Variants in IQGAP1 observed in about 807,000 individuals in gnomAD.
The protein encoded by IQGAP1 is ras GTPase-activating-like protein IQGAP1.
In IQGAP1, 66 loss-of-function variants were observed where a neutral mutation model predicts 215.6. That is an observed-to-expected ratio of 0.31 (90% CI 0.25 to 0.38). The LOEUF (loss-of-function observed/expected upper bound fraction) is 0.38, where lower values mean the gene tolerates loss of function less well. IQGAP1 is among the 10% of genes least tolerant of loss of function. The probability of loss-of-function intolerance (pLI) is 1.00; values close to 1 mark genes in which losing one functional copy is unlikely to be tolerated. For synonymous variants in IQGAP1, 772 were observed against 728.7 expected (o/e 1.06, Z -0.96); for missense variants, 1,712 against 1,997.1 (o/e 0.86, Z 2.72).
intron 36 of IQGAP1, chr15:90,496,617 G>A (rs918019471): frequency 3.3e-5 from 5 of 152,094 alleles, no homozygotes; most frequent in Non-Finnish European, 5.9e-5. Context: ...CACTGTGCCC[G>A]GCTGCATAAT....
chr15:90,422,811 G>T (rs969217710), intron 2 of IQGAP1, among the ~76,000 whole-genome samples: 1 of 151,312 alleles, frequency 6.6e-6, no homozygotes, highest in South Asian at 2.1e-4. Context: ...TCCTCCTGCT[G>T]CAGCCTCTCA....
At chr15:90,472,604 G>A (rs932290253) in intron 18 of IQGAP1, among the ~76,000 whole-genome samples, 1 of 152,036 alleles carries the variant, frequency 6.6e-6, no homozygotes, top group African/African-American at 2.4e-5. Flanking sequence ...GACATATGAA[G>A]TAAAAGAAGA....
At position 90,483,368 on chromosome 15, in the gene IQGAP1, G is replaced by C. The variant is rs754781708; in HGVS notation, c.3563G>C (p.Gly1188Ala). 6.2e-7 allele frequency: 1 copy of C among 1,611,620 alleles called. No homozygotes were observed. Among genetic ancestry groups the C allele is most frequent in the African/African-American group, 1.3e-5 (1 of 74,760 alleles). Residue 1188 changes from glycine to alanine, a missense_variant, in exon 29 of 38, where the codon GGT becomes GCT. Transcript: ENST00000268182. ...AGEDELLKII[G>A]NLLYYRYMNP... ...CTGTTTCGTCTGTTCCAGATTATTG[G>C]TAACTTGCTTTATTATCGATACATG...
chr15:90,450,085 C>A (rs1399732366), intron 11 of IQGAP1, among the ~76,000 whole-genome samples: 1 of 152,052 alleles, frequency 6.6e-6, no homozygotes, highest in Non-Finnish European at 1.5e-5. Flanking sequence ...AACACTAGAC[C>A]TATTCCTTGT....
chr15:90,394,781 A>G (rs2058185041), intron 2 of IQGAP1, among the ~76,000 whole-genome samples: 1 of 138,476 alleles, frequency 7.2e-6, no homozygotes, highest in Admixed American at 7.5e-5. Flanking sequence ...TCCCCTCTTC[A>G]GTTCTATTTA....
Position 90,388,268 on chromosome 15 carries a change from A to T in IQGAP1, c.-74A>T, listed in dbSNP as rs1016883721. On this transcript the variant is annotated 5_prime_UTR_variant, in exon 1 of 38. Coordinates refer to ENST00000268182, the MANE Select transcript of IQGAP1 (RefSeq NM_003870.4). Reference sequence around the variant, plus strand: ...ACCCCGGCAAGCCCGCGCACTTGGCAGGAGCTGTAGCTACCGCCGTCCGCG... The same window carrying T: ...ACCCCGGCAAGCCCGCGCACTTGGCTGGAGCTGTAGCTACCGCCGTCCGCG... 6.5e-6 allele frequency: 10 copies of T among 1,529,590 alleles called. No homozygotes were observed. Among genetic ancestry groups the T allele is most frequent in the Non-Finnish European group, 8.9e-7 (1 of 1,122,726 alleles). The allele number at this position is 1,529,590 out of a possible 1,614,324, so 94.8% of individuals were successfully genotyped here.
At position 90,461,349 on chromosome 15, in the gene IQGAP1, TTTTG is replaced by T. The variant is rs369163316; in HGVS notation, c.1777-4640_1777-4637del. Among the ~76,000 whole-genome samples the T allele has an allele frequency of 7.3e-3, 1,114 of 152,168 alleles. 6 individuals carry two copies. The highest frequency in any genetic ancestry group is 0.026 in the African/African-American group (1,063 of 41,522). ...GATTGTTTGCCAGTGTACCAATGTTTTTTGTTTGTTTGTTTTTCATGGTGGAGAG... is the reference window on the plus strand; with the variant it reads ...GATTGTTTGCCAGTGTACCAATGTTTTTTGTTTGTTTTTCATGGTGGAGAG... On this transcript the variant is annotated intron_variant, in intron 15 of 37. Coordinates refer to ENST00000268182, the MANE Select transcript of IQGAP1 (RefSeq NM_003870.4).
At chr15:90,440,675 A>G (rs963047321) in intron 7 of IQGAP1, 60 bp downstream of exon 7, 26 of 1,043,720 alleles carry the variant, frequency 2.5e-5, no homozygotes, top group African/African-American at 8.0e-5. Context: ...TCCAATAATT[A>G]ATTCTATAGT....
rs77554323 is a variant in IQGAP1, at chr15:90,441,207, T to C, written c.650-299T>C. 2.0e-3 allele frequency among the ~76,000 whole-genome samples: 312 copies of C among 152,284 alleles called. 1 individual carries two copies. The highest frequency in any genetic ancestry group is 7.2e-3 in the African/African-American group (300 of 41,562). On this transcript the variant is annotated intron_variant, in intron 7 of 37. Coordinates refer to ENST00000268182, the MANE Select transcript of IQGAP1 (RefSeq NM_003870.4). Reference sequence around the variant, plus strand: ...GTTTACTTGGTAATTAAGGCAGATATCTCCAGAGCAAGTGTTCCTTGCAAG... The same window carrying C: ...GTTTACTTGGTAATTAAGGCAGATACCTCCAGAGCAAGTGTTCCTTGCAAG...
chr15:90,473,427 A>C, intron 19 of IQGAP1: 1 of 431,014 alleles, frequency 2.3e-6, no homozygotes, highest in Non-Finnish European at 4.3e-6. Context: ...ATTGTATCTT[A>C]TCTTCCTCAC....
At position 90,477,206 on chromosome 15, in the gene IQGAP1, A is replaced by C. The variant is rs773592200; in HGVS notation, c.3080A>C (p.Lys1027Thr). The change falls in exon 25 of 38, where the codon AAG (lysine) becomes ACG (threonine). Residue 1027 changes from lysine to threonine, a missense_variant. Lys to Thr is a moderately conservative substitution (Grantham distance 78). Transcript: ENST00000268182. ...GAGTACCTGCTCCTGCGGCTCTTTA[A>C]GACAGCACTCCAAGAGGAAATCAAG... ...REEYLLLRLFKTALQEEIKSK... is the reference protein window; with the variant it reads ...REEYLLLRLFTTALQEEIKSK... The C allele has an allele frequency of 1.2e-6, 2 of 1,613,970 alleles. No homozygotes were observed. Among genetic ancestry groups the C allele is most frequent in the Non-Finnish European group, 1.7e-6 (2 of 1,180,008 alleles).
In IQGAP1 at chr15:90,486,319, A is replaced by G. The variant is rs144062253; in HGVS notation, c.4024+187A>G. On this transcript the variant is annotated intron_variant, in intron 31 of 37. Transcript: ENST00000268182. ...AACAACAAAAGCCCAGATGTGATCA[A>G]TATCTATAAGGAACTGGAGTCAGAG... 3.9e-3 allele frequency: 1,860 copies of G among 474,132 alleles called. 16 individuals are homozygous for G. Among genetic ancestry groups the G allele is most frequent in the Non-Finnish European group, 3.6e-3 (957 of 265,526 alleles). 29.4% of individuals were successfully genotyped at this position (474,132 alleles called of 1,614,324 possible).
intron 15 of IQGAP1, among the ~76,000 whole-genome samples, chr15:90,465,252 GAC>G (rs1476427788): frequency 6.6e-6 from 1 of 152,188 alleles, no homozygotes; most frequent in Admixed American, 6.5e-5. Context: ...AGTAAGACTT[GAC>G]AGTCTTAAAA....
At position 90,474,524 on chromosome 15, in the gene IQGAP1, T is replaced by A; in HGVS notation, c.2615T>A (p.Phe872Tyr). The change falls in exon 23 of 38, where the codon TTT becomes TAT. Residue 872 changes from phenylalanine to tyrosine, a missense_variant. By Grantham distance (22) the Phe-to-Tyr change is conservative. Around this residue, in one of 2 missense-constraint regions of IQGAP1, gnomAD observed 1,021 missense variants for 1,074.2 expected, o/e 0.95. Coordinates refer to ENST00000268182, the MANE Select transcript of IQGAP1 (RefSeq NM_003870.4). The stretch of plus-strand genomic sequence containing the variant: ...CCTCCTATGGTTGTGGTCCGAAAAT[T>A]TGTCCACCTGCTGGACCAAAGTGAC... ...EDPPMVVVRK[F>Y]VHLLDQSDQD... 1 of 1,614,192 alleles carries A rather than the reference T, an allele frequency of 6.2e-7. No individual in the cohort carries two copies. Among genetic ancestry groups the A allele is most frequent in the South Asian group, 1.1e-5 (1 of 91,076 alleles).
chr15:90,499,013 T>G (rs1253722528), intron 37 of IQGAP1, among the ~76,000 whole-genome samples: 3 of 152,296 alleles, frequency 2.0e-5, no homozygotes, highest in Non-Finnish European at 2.9e-5. Flanking sequence ...AAACAGGGTT[T>G]CGCCATGTTG....
chr15:90,422,637 T>C (rs1965158675), intron 2 of IQGAP1, among the ~76,000 whole-genome samples: 2 of 66,610 alleles, frequency 3.0e-5, no homozygotes, highest in Non-Finnish European at 5.4e-5. Flanking sequence ...TATATATATA[T>C]ATGTATATGT....
chr15:90,411,606 CTGT>C (rs1448726349), intron 2 of IQGAP1, among the ~76,000 whole-genome samples: 1 of 152,112 alleles, frequency 6.6e-6, no homozygotes, highest in East Asian at 1.9e-4. Context: ...GGACTCTTAC[CTGT>C]TGTTTTCTTC....
intron 10 of IQGAP1, 107 bp downstream of exon 10, chr15:90,448,843 C>CT: frequency 1.0e-6 from 1 of 987,126 alleles, no homozygotes; most frequent in Non-Finnish European, 1.4e-6. Flanking sequence ...CCCAATACGA[C>CT]TTTTTCCTCT....
chr15:90,393,521 A>G (rs1964667748), intron 2 of IQGAP1: 1 of 152,074 alleles, frequency 6.6e-6, no homozygotes, highest in Non-Finnish European at 1.5e-5. Context: ...CCCATGGATA[A>G]GGAGGGCCGA....
Sources: allele counts gnomAD v4.1 joint callset (sites outside exome capture counted in the v4.1 genomes callset), GRCh38; gene constraint gnomAD v4.1.1; regional missense constraint gnomAD v4.1.1; transcripts MANE v1.5; gene names NCBI Gene and HGNC (gene_info 2026-07-23, HGNC 2026-07-21).